The following VPS37B variants were observed in gnomAD, a reference collection of about 807,000 sequenced individuals.
VPS37B encodes vacuolar protein sorting-associated protein 37B.
A neutral mutation model predicts 21.2 loss-of-function variants in VPS37B; 11 were observed. The ratio of observed to expected loss-of-function variants is 0.52; its 90% confidence interval spans 0.33 to 0.86. The LOEUF (loss-of-function observed/expected upper bound fraction) is 0.86. Ranked by LOEUF, VPS37B falls within the 40% of genes least tolerant of loss-of-function variation. The pLI, the probability that VPS37B is intolerant of heterozygous loss-of-function variation, is 0.03. For missense variants in VPS37B, 389 were observed against 374.8 expected (o/e 1.04, Z -0.31); for synonymous variants, 175 against 159.6 (o/e 1.10, Z -0.73).
Position 122,865,873 on chromosome 12 carries a change from A to G in VPS37B, c.*1243T>C, listed in dbSNP as rs1333979585. The G allele has an allele frequency of 6.6e-6, 1 of 152,396 alleles. No homozygotes were observed. The highest frequency in any genetic ancestry group is 6.5e-5 in the Admixed American group (1 of 15,284). The allele number at this position is 152,396 out of a possible 1,614,324, so 9.4% of individuals were successfully genotyped here. A position where few individuals can be genotyped will look rare whatever the true frequency, so the allele number is the denominator to read the frequency against. On this transcript the variant is annotated 3_prime_UTR_variant, in exon 4 of 4. Transcript: ENST00000267202. ...GCTGGGCCCTGGGCCTTCAGCACACATGGCACGTGAAGATGAGGTCCCACA... is the reference window on the plus strand; with the variant it reads ...GCTGGGCCCTGGGCCTTCAGCACACGTGGCACGTGAAGATGAGGTCCCACA...
intron 1 of VPS37B, chr12:122,872,445 G>A: frequency 7.1e-6 from 7 of 985,426 alleles, no homozygotes; most frequent in Non-Finnish European, 8.4e-6. Context: ...CAACTCTAAA[G>A]TAAAAGCTAG....
intron 1 of VPS37B, chr12:122,888,035 C>T (rs529572683): frequency 6.5e-6 from 1 of 153,430 alleles, no homozygotes; most frequent in East Asian, 1.9e-4. Context: ...CACTATGTTC[C>T]TCTACTATCC....
chr12:122,875,057 C>T (rs550678373), intron 1 of VPS37B: 10 of 147,660 alleles, frequency 6.8e-5, no homozygotes, highest in South Asian at 6.5e-4. Flanking sequence ...CATATAAATA[C>T]GATAACTTTT....
At chr12:122,873,680 A>G (rs943300638) in intron 1 of VPS37B, 4 of 152,204 alleles carry the variant, frequency 2.6e-5, no homozygotes, top group African/African-American at 9.7e-5. Flanking sequence ...CAGTTCTGAG[A>G]AAGGAGGTCC....
intron 1 of VPS37B, chr12:122,884,365 TCAC>T (rs1303674974): frequency 6.6e-6 from 1 of 152,192 alleles, no homozygotes; most frequent in Non-Finnish European, 1.5e-5. Context: ...CAGACCTAAT[TCAC>T]CACCAAGTTT....
chr12:122,870,824 C>T, intron 2 of VPS37B, 66 bp downstream of exon 2: 1 of 1,528,852 alleles, frequency 6.5e-7, no homozygotes, highest in South Asian at 1.2e-5. Flanking sequence ...CCTGGTAGGG[C>T]AATAGCTTGA....
rs774272276 is a variant in VPS37B at position 122,870,945 on chromosome 12, T to C, written c.228A>G (p.Lys76=). 1.2e-6 allele frequency: 2 copies of C among 1,614,212 alleles called. No homozygotes were observed. The highest frequency in any genetic ancestry group is 1.3e-5 in the African/African-American group (1 of 75,050). ...CAAAGAGAACCTGGAGTTCCTGGTA[T>C]TTCTGGGTCAAGCGTGCTTTCAACG... ...LDTLKARLTQ[K]YQELQVLFEA... Residue 76 remains lysine (K), a synonymous_variant, in exon 2 of 4, where the codon AAA becomes AAG. Coordinates refer to ENST00000267202, the MANE Select transcript of VPS37B (RefSeq NM_024667.3).
intron 1 of VPS37B, chr12:122,875,544 C>T (rs2034132447): frequency 6.6e-6 from 1 of 151,966 alleles, no homozygotes; most frequent in African/African-American, 2.4e-5. Context: ...ACCTTGGATG[C>T]TACAATCAAT....
At chr12:122,871,091 CA>C in intron 1 of VPS37B, 30 bp from the exon 2 acceptor site, 3 of 1,610,346 alleles carry the variant, frequency 1.9e-6, no homozygotes, top group South Asian at 2.2e-5. Flanking sequence ...TGATGAGAAC[CA>C]AAAGTATATC....
chr12:122,891,666 G>C (rs2034412489), intron 1 of VPS37B, among the ~76,000 whole-genome samples: 2 of 152,184 alleles, frequency 1.3e-5, no homozygotes, highest in Admixed American at 6.5e-5. Flanking sequence ...ATACTCAAGA[G>C]TGCAAATCTT....
In VPS37B at chr12:122,867,309, G is replaced by T. The variant is rs745662904; in HGVS notation, c.665C>A (p.Pro222Gln). 1 of 1,585,710 alleles carries T rather than the reference G, an allele frequency of 6.3e-7. No homozygotes were observed. Among genetic ancestry groups the T allele is most frequent in the East Asian group, 2.3e-5 (1 of 44,388 alleles). ...TCCCGAACTCATGGCCGCAGTAAAC[G>T]GGGTGGCTAAGCGTCCCGCAGGCAC... ...PPVPAGRLATPFTAAMSSGQA... is the reference protein window; with the variant it reads ...PPVPAGRLATQFTAAMSSGQA... The change falls in exon 4 of 4, where the codon CCG (proline) becomes CAG (glutamine). Residue 222 changes from proline (P) to glutamine (Q), a missense_variant. By Grantham distance (76) the Pro-to-Gln change is moderately conservative. Transcript: ENST00000267202. The surrounding 1 kb of genome is among the most constrained non-coding windows in gnomAD (Gnocchi z 5.5).
chr12:122,875,034 A>G (rs2034121974), intron 1 of VPS37B: 1 of 148,424 alleles, frequency 6.7e-6, no homozygotes, highest in African/African-American at 2.5e-5. Context: ...TCCTTTGGGT[A>G]TTCAGATGTT....
chr12:122,880,687 AC>A, intron 1 of VPS37B: 2 of 151,738 alleles, frequency 1.3e-5, no homozygotes, highest in East Asian at 3.9e-4. Context: ...AAAAAAAAAA[AC>A]AAACACGACA....
intron 1 of VPS37B, chr12:122,872,113 A>G (rs1289887820): frequency 5.1e-6 from 5 of 985,328 alleles, no homozygotes; most frequent in Non-Finnish European, 6.0e-6. Context: ...TCCTCTTAGT[A>G]GCTCGAGTAT....
Position 122,867,298 on chromosome 12 carries a change from C to A in VPS37B, c.676G>T (p.Ala226Ser). The part of the protein sequence containing the change: ...AGRLATPFTA[A>S]MSSGQAVPYP... ...GGCACGGCCTGTCCCGAACTCATGG[C>A]CGCAGTAAACGGGGTGGCTAAGCGT... is the stretch of plus-strand genomic sequence containing the variant. Residue 226 changes from alanine (A) to serine (S), a missense_variant, in exon 4 of 4, where the codon GCC becomes TCC. Coordinates refer to ENST00000267202, the MANE Select transcript of VPS37B (RefSeq NM_024667.3). This position sits in a 1 kb window ranked among gnomAD's most constrained non-coding sequence, Gnocchi z 5.5. 6.3e-7 allele frequency: 1 copy of A among 1,577,020 alleles called. No homozygotes were observed.
intron 1 of VPS37B, 136 bp from the exon 2 acceptor site, chr12:122,871,197 G>A: frequency 7.0e-7 from 1 of 1,427,744 alleles, no homozygotes; most frequent in Non-Finnish European, 9.2e-7. Context: ...CGCATGCCAG[G>A]CAGATGCTAC....
chr12:122,868,572 A>T lies in VPS37B; in HGVS notation c.284-10T>A, dbSNP rs1387039599. 1 of 1,612,370 alleles carries T rather than the reference A, an allele frequency of 6.2e-7. No homozygotes were observed. Among genetic ancestry groups the T allele is most frequent in the Non-Finnish European group, 8.5e-7 (1 of 1,179,472 alleles). ...CTGCTAGACTGTCTGTCTGGAAAAAAAGCAAGAGGTATGACAAAAGTGAGA... is the reference window on the plus strand; with the variant it reads ...CTGCTAGACTGTCTGTCTGGAAAAATAGCAAGAGGTATGACAAAAGTGAGA... On this transcript the variant is annotated splice_polypyrimidine_tract_variant and intron_variant, in intron 2 of 3. Coordinates refer to ENST00000267202, the MANE Select transcript of VPS37B (RefSeq NM_024667.3). The surrounding 1 kb of genome is among the most constrained non-coding windows in gnomAD (Gnocchi z 5.5).
chr12:122,877,776 C>A (rs1486554051), intron 1 of VPS37B: 1 of 152,240 alleles, frequency 6.6e-6, no homozygotes, highest in Non-Finnish European at 1.5e-5. Flanking sequence ...CCCTGAGGCC[C>A]CGCTTGATTG....
At chr12:122,895,911 C>T in intron 1 of VPS37B, 41 bp downstream of exon 1, 1 of 1,583,026 alleles carries the variant, frequency 6.3e-7, no homozygotes, top group East Asian at 2.3e-5. Context: ...GAACCCCGCT[C>T]GAGGCCTCAC....
Sources: allele counts gnomAD v4.1 joint callset (sites outside exome capture counted in the v4.1 genomes callset), GRCh38; gene constraint gnomAD v4.1.1; non-coding constraint Gnocchi (gnomAD v3.1); transcripts MANE v1.5; gene names NCBI Gene and HGNC (gene_info 2026-07-23, HGNC 2026-07-21).